The following CACNB2 variants were observed in gnomAD, a reference collection of about 807,000 sequenced individuals.
CACNB2 encodes calcium voltage-gated channel auxiliary subunit beta 2, also known as voltage-dependent L-type calcium channel subunit beta-2.
Under a neutral mutation model 73.3 loss-of-function variants are expected in CACNB2, and 42 were observed. The ratio of observed to expected loss-of-function variants is 0.57; its 90% CI spans 0.45 to 0.74. The LOEUF is 0.74. Ranked by LOEUF, CACNB2 falls within the 30% of genes least tolerant of loss-of-function variation. The probability of loss-of-function intolerance (pLI) is 0.00; values close to 1 mark genes in which losing one functional copy is unlikely to be tolerated. For missense variants in CACNB2, 940 were observed against 853.0 expected (o/e 1.10, Z -1.27); for synonymous variants, 348 against 310.3 (o/e 1.12, Z -1.28).
chr10:18,146,100 A>G (rs1295301366), intron 1 of CACNB2, among the ~76,000 whole-genome samples: 3 of 151,850 alleles, frequency 2.0e-5, no homozygotes, highest in African/African-American at 7.3e-5. Flanking sequence ...TCTTTTTTCT[A>G]GGAATGTCAT....
intron 11 of CACNB2, 57 bp from the exon 12 acceptor site, chr10:18,536,044 C>T: frequency 9.7e-7 from 1 of 1,031,616 alleles, no homozygotes. Flanking sequence ...AATAATGTAC[C>T]TTGTACTTTA....
At chr10:18,396,190 C>G (rs1040568032) in intron 2 of CACNB2, among the ~76,000 whole-genome samples, 4 of 152,112 alleles carry the variant, frequency 2.6e-5, no homozygotes, top group Admixed American at 1.3e-4. Context: ...CTCCTGGCCT[C>G]AAGTGATCTG....
intron 3 of CACNB2, among the ~76,000 whole-genome samples, chr10:18,446,600 C>T (rs1005801100): frequency 6.6e-6 from 1 of 152,128 alleles, no homozygotes; most frequent in Non-Finnish European, 1.5e-5. Flanking sequence ...AGTGACACTA[C>T]TTAGTATCAC....
intron 3 of CACNB2, among the ~76,000 whole-genome samples, chr10:18,481,408 G>A (rs1180328605): frequency 2.0e-5 from 3 of 149,814 alleles, no homozygotes; most frequent in South Asian, 2.1e-4. Flanking sequence ...CATCATGCCC[G>A]GCTAGTTTTT....
intron 2 of CACNB2, chr10:18,206,878 T>G (rs1258602173): frequency 2.0e-5 from 3 of 152,250 alleles, no homozygotes; most frequent in Non-Finnish European, 2.9e-5. Context: ...ATTGGTGCAG[T>G]AGTTCCCAAT....
chr10:18,385,662 T>TA (rs1458057951), intron 2 of CACNB2, among the ~76,000 whole-genome samples: 3 of 144,652 alleles, frequency 2.1e-5, no homozygotes, highest in Non-Finnish European at 1.5e-5. Flanking sequence ...AAAAAAAAAA[T>TA]TTATTCAAAT....
intron 1 of CACNB2, chr10:18,141,154 T>C (rs1009973580): frequency 1.4e-6 from 2 of 1,469,802 alleles, no homozygotes; most frequent in African/African-American, 1.4e-5. Context: ...TCCTCGCCCC[T>C]TCCCGGGAGA....
rs541108552 is a variant in CACNB2, at chr10:18,225,419, C to G, written c.213+74444C>G. 2.0e-5 allele frequency among the ~76,000 whole-genome samples: 3 copies of G among 152,280 alleles called. No homozygotes were observed. The East Asian group carries it at 5.8e-4, about 29-fold the overall frequency. On this transcript the variant is annotated intron_variant, in intron 2 of 13. Transcript: ENST00000324631. Reference sequence around the variant, plus strand: ...ATGCCCCATTTTACAATGTAAGAAACTGAGGGTTTAAGAAATATGGCCTGG... The same window carrying G: ...ATGCCCCATTTTACAATGTAAGAAAGTGAGGGTTTAAGAAATATGGCCTGG...
intron 3 of CACNB2, among the ~76,000 whole-genome samples, chr10:18,438,185 T>C (rs2046241617): frequency 7.3e-6 from 1 of 136,440 alleles, no homozygotes; most frequent in Non-Finnish European, 1.5e-5. Context: ...ACCTGGCGAT[T>C]TTTTTTTTTT....
Position 18,542,120 on chromosome 10 carries a change from G to A in CACNB2, c.*2396G>A, listed in dbSNP as rs1473345151. On this transcript the variant is annotated 3_prime_UTR_variant, in exon 14 of 14. Coordinates refer to ENST00000324631, the MANE Select transcript of CACNB2 (RefSeq NM_201596.3). The stretch of plus-strand genomic sequence containing the variant: ...GAGATAGGAGGATCCCTTGAGCCCA[G>A]GAGGTGGAGGCTGCAGTGAACCGTG... 6.6e-6 allele frequency: 1 copy of A among 152,126 alleles called. No individual in the cohort carries two copies. Among genetic ancestry groups the A allele is most frequent in the Non-Finnish European group, 1.5e-5 (1 of 68,046 alleles). 9.4% of individuals were successfully genotyped at this position (152,126 alleles called of 1,614,324 possible). A position where few individuals can be genotyped will look rare whatever the true frequency, so the allele number is the denominator to read the frequency against.
chr10:18,270,772 AT>A (rs2038018797), intron 2 of CACNB2, among the ~76,000 whole-genome samples: 1 of 151,972 alleles, frequency 6.6e-6, no homozygotes, highest in African/African-American at 2.4e-5. Context: ...TATCCTAATT[AT>A]CCCTCTAGTT....
Position 18,418,513 on chromosome 10 carries a change from G to A in CACNB2, c.333+16470G>A, listed in dbSNP as rs1361266914. Among the ~76,000 whole-genome samples, 3 of 152,122 alleles carry A rather than the reference G, an allele frequency of 2.0e-5. No individual in the cohort carries two copies. In the East Asian group the frequency reaches 5.8e-4, roughly 29 times the overall value. On this transcript the variant is annotated intron_variant, in intron 3 of 13. Coordinates refer to ENST00000324631, the MANE Select transcript of CACNB2 (RefSeq NM_201596.3). ...GTCCTCGTGGATGAACTGTAATCTAGCTTAATAGGCAGATAAGATTGAAAA... is the reference window on the plus strand; with the variant it reads ...GTCCTCGTGGATGAACTGTAATCTAACTTAATAGGCAGATAAGATTGAAAA...
chr10:18,252,241 T>G (rs1362142316), intron 2 of CACNB2, among the ~76,000 whole-genome samples: 2 of 152,194 alleles, frequency 1.3e-5, no homozygotes, highest in African/African-American at 4.8e-5. Flanking sequence ...CAGAACCCAC[T>G]GGGGCATTTA....
chr10:18,296,259 C>G (rs1239850628), intron 2 of CACNB2, among the ~76,000 whole-genome samples: 1 of 152,068 alleles, frequency 6.6e-6, no homozygotes, highest in Non-Finnish European at 1.5e-5. Flanking sequence ...AAAGAGCTCC[C>G]TGTTGTTACT....
At chr10:18,382,778 C>T (rs537363632) in intron 2 of CACNB2, among the ~76,000 whole-genome samples, 199 of 152,264 alleles carry the variant, frequency 1.3e-3, no homozygotes, top group Middle Eastern at 0.01. Context: ...TTTTCTTTAT[C>T]CAGTCCATCA....
intron 2 of CACNB2, among the ~76,000 whole-genome samples, chr10:18,298,653 T>C (rs1197713325): frequency 1.3e-5 from 2 of 152,206 alleles, no homozygotes; most frequent in African/African-American, 4.8e-5. Flanking sequence ...CCAGCCTTAG[T>C]GCAGGCTGGC....
At chr10:18,343,603 T>G (rs535962652) in intron 2 of CACNB2, among the ~76,000 whole-genome samples, 1 of 152,266 alleles carries the variant, frequency 6.6e-6, no homozygotes, top group Non-Finnish European at 1.5e-5. Flanking sequence ...TCAGGGAAGG[T>G]GTATGCCTTC....
At chr10:18,433,500 C>A (rs1231330340) in intron 3 of CACNB2, among the ~76,000 whole-genome samples, 1 of 152,140 alleles carries the variant, frequency 6.6e-6, no homozygotes, top group Non-Finnish European at 1.5e-5. Flanking sequence ...GATGTTTCTG[C>A]AACTCAGAAG....
intron 2 of CACNB2, among the ~76,000 whole-genome samples, chr10:18,251,058 C>T (rs562376761): frequency 1.3e-5 from 2 of 152,028 alleles, no homozygotes; most frequent in African/African-American, 4.8e-5. Context: ...GGTCATTGCC[C>T]TCAAATATTT....
Sources: allele counts gnomAD v4.1 joint callset (sites outside exome capture counted in the v4.1 genomes callset), GRCh38; gene constraint gnomAD v4.1.1; transcripts MANE v1.5; gene names NCBI Gene and HGNC (gene_info 2026-07-23, HGNC 2026-07-21).